Variants in PPARGC1A observed in about 807,000 individuals in gnomAD.
PPARGC1A encodes the protein PPARG coactivator 1 alpha, also known as peroxisome proliferator-activated receptor gamma coactivator 1-alpha.
A neutral mutation model predicts 88.7 loss-of-function variants in PPARGC1A; 25 were observed. The ratio of observed to expected loss-of-function variants is 0.28; its 90% CI spans 0.21 to 0.39. The LOEUF is 0.39. Among genes scored for constraint, PPARGC1A ranks in the 10% least tolerant of loss-of-function variants. The probability of loss-of-function intolerance (pLI) is 1.00; values close to 1 mark genes in which losing one functional copy is unlikely to be tolerated. For missense variants in PPARGC1A, 880 were observed against 968.7 expected, an observed-to-expected ratio of 0.91 and a Z score of 1.22; for synonymous variants, 363 against 355.6, an observed-to-expected ratio of 1.02 and a Z score of -0.24.
At chr4:24,348,522 CT>C in the PPARGC1A span, among the ~76,000 whole-genome samples, 3 of 152,044 alleles carry the variant, frequency 2.0e-5, no homozygotes, top group Non-Finnish European at 4.4e-5. Context: ...TTTTCTTTGT[CT>C]TTGTTGAATT....
the PPARGC1A span, among the ~76,000 whole-genome samples, chr4:24,064,991 T>G: frequency 6.6e-6 from 1 of 152,168 alleles, no homozygotes; most frequent in Non-Finnish European, 1.5e-5. Flanking sequence ...AGTTGTGCAT[T>G]GAGCTCTCTA....
At chr4:23,862,013 A>G (rs1380054371) in intron 2 of PPARGC1A, among the ~76,000 whole-genome samples, 2 of 152,190 alleles carry the variant, frequency 1.3e-5, no homozygotes, top group Non-Finnish European at 2.9e-5. Context: ...ATCTTAGTCA[A>G]TCAGTCAACG....
the PPARGC1A span, among the ~76,000 whole-genome samples, chr4:24,174,805 C>G: frequency 1.3e-5 from 2 of 152,190 alleles, no homozygotes; most frequent in African/African-American, 4.8e-5. Context: ...CCATGTGGGA[C>G]TAGTCATGGG....
chr4:24,365,497 C>G, the PPARGC1A span, among the ~76,000 whole-genome samples: 2 of 151,996 alleles, frequency 1.3e-5, no homozygotes, highest in African/African-American at 4.8e-5. Context: ...AGTCATCTGC[C>G]CCTGTATTTA....
chr4:24,132,121 G>A, the PPARGC1A span, among the ~76,000 whole-genome samples: 1 of 152,080 alleles, frequency 6.6e-6, no homozygotes, highest in Non-Finnish European at 1.5e-5. Flanking sequence ...CCCCGTGAGG[G>A]TGGTGGTGCT....
the PPARGC1A span, among the ~76,000 whole-genome samples, chr4:23,916,183 G>A: frequency 4.6e-5 from 7 of 152,138 alleles, no homozygotes; most frequent in South Asian, 2.1e-4. Flanking sequence ...GTAAAACAAC[G>A]TACTGGCAGT....
chr4:23,876,741 A>G (rs370293484), intron 2 of PPARGC1A, among the ~76,000 whole-genome samples: 3 of 152,060 alleles, frequency 2.0e-5, no homozygotes, highest in Admixed American at 6.6e-5. Context: ...AAAAAACTCA[A>G]TGGGGGCTCA....
At chr4:24,022,854 G>A in the PPARGC1A span, among the ~76,000 whole-genome samples, 2 of 152,086 alleles carry the variant, frequency 1.3e-5, no homozygotes, top group South Asian at 4.2e-4. Context: ...AAATTTCAGG[G>A]TTGTTTGTTA....
At chr4:23,948,459 T>A in the PPARGC1A span, among the ~76,000 whole-genome samples, 1 of 152,268 alleles carries the variant, frequency 6.6e-6, no homozygotes, top group Non-Finnish European at 1.5e-5. Flanking sequence ...AGGCAGGTAC[T>A]GTAACTCCCA....
upstream of PPARGC1A, among the ~76,000 whole-genome samples, chr4:23,907,904 T>A (rs937671327): frequency 1.3e-5 from 2 of 152,208 alleles, no homozygotes; most frequent in Non-Finnish European, 2.9e-5. Flanking sequence ...CAGCGGCTCA[T>A]GTTTCCCTCT....
the PPARGC1A span, among the ~76,000 whole-genome samples, chr4:24,042,918 T>C: frequency 6.6e-6 from 1 of 152,198 alleles, no homozygotes; most frequent in African/African-American, 2.4e-5. Context: ...TTATCTGACA[T>C]TATTTTCTTT....
intron 2 of PPARGC1A, among the ~76,000 whole-genome samples, chr4:23,838,876 G>A (rs1726527957): frequency 6.7e-6 from 1 of 149,322 alleles, no homozygotes; most frequent in Non-Finnish European, 1.5e-5. Context: ...TGCCTTGAGT[G>A]CATTCTCTGA....
the PPARGC1A span, among the ~76,000 whole-genome samples, chr4:24,191,974 A>C: frequency 6.6e-6 from 1 of 152,354 alleles, no homozygotes; most frequent in Admixed American, 6.5e-5. Context: ...GTGTACAACC[A>C]TACCAAGAAA....
chr4:24,118,727 C>A, the PPARGC1A span, among the ~76,000 whole-genome samples: 33 of 152,226 alleles, frequency 2.2e-4, 1 homozygote, highest in Non-Finnish European at 4.0e-4. Context: ...TACTCAAAAG[C>A]CATATCCACA....
chr4:24,221,594 G>A, the PPARGC1A span, among the ~76,000 whole-genome samples: 2 of 152,068 alleles, frequency 1.3e-5, no homozygotes, highest in Non-Finnish European at 2.9e-5. Flanking sequence ...ATGCATCATA[G>A]TACAGAGGAA....
the PPARGC1A span, among the ~76,000 whole-genome samples, chr4:24,393,012 AGCACACACAC>A: frequency 1.6e-5 from 1 of 64,466 alleles, no homozygotes; most frequent in Non-Finnish European, 3.3e-5. Context: ...CTGCTCCATC[AGCACACACAC>A]ACACACACAC....
At chr4:24,170,373 GT>G in the PPARGC1A span, among the ~76,000 whole-genome samples, 1 of 152,186 alleles carries the variant, frequency 6.6e-6, no homozygotes, top group Admixed American at 6.5e-5. Context: ...GTACTATAAA[GT>G]ATCTGTTGGA....
At chr4:24,049,508 G>A in the PPARGC1A span, among the ~76,000 whole-genome samples, 1 of 151,838 alleles carries the variant, frequency 6.6e-6, no homozygotes. Flanking sequence ...CGGGAAGAGA[G>A]TGAATCTTAA....
the PPARGC1A span, among the ~76,000 whole-genome samples, chr4:23,977,653 C>A: frequency 4.6e-5 from 7 of 152,228 alleles, no homozygotes; most frequent in South Asian, 1.5e-3. Flanking sequence ...AAAAAACCTG[C>A]TTGTCCTGCA....
Sources: gnomAD v4.1 joint callset for allele counts (sites outside exome capture counted in the v4.1 genomes callset) on GRCh38, gnomAD v4.1.1 for gene constraint, MANE v1.5 for transcripts, NCBI Gene and HGNC (gene_info 2026-07-23, HGNC 2026-07-21) for gene names.